RAPGEFL1: variants seen among roughly 807,000 people sequenced by gnomAD.
The protein encoded by RAPGEFL1 is rap guanine nucleotide exchange factor-like 1.
In RAPGEFL1, 31 loss-of-function variants were observed where a neutral mutation model predicts 64.4. The ratio of observed to expected loss-of-function variants is 0.48; its 90% confidence interval spans 0.36 to 0.65. The LOEUF (loss-of-function observed/expected upper bound fraction) is 0.65. Ranked by LOEUF, RAPGEFL1 falls within the 30% of genes least tolerant of loss-of-function variation. The pLI, the probability that RAPGEFL1 is intolerant of heterozygous loss-of-function variation, is 0.00. For synonymous variants in RAPGEFL1, 331 were observed against 274.1 expected (o/e 1.21, Z -2.05); for missense variants, 682 against 677.4 (o/e 1.01, Z -0.08).
Position 40,192,190 on chromosome 17 carries a change from TCTC to T in RAPGEFL1, c.1606-20_1606-18del. 1 of 1,610,076 alleles carries T rather than the reference TCTC, an allele frequency of 6.2e-7. No homozygotes were observed. Among genetic ancestry groups the T allele is most frequent in the Non-Finnish European group, 8.5e-7 (1 of 1,176,366 alleles). On this transcript the variant is annotated intron_variant, in intron 10 of 14. Coordinates refer to ENST00000620260, the MANE Select transcript of RAPGEFL1 (RefSeq NM_016339.6). ...CAAGGAGCTCCACTCTGATATCCCT[TCTC>T]CTTCCTTCAAACTCTGCAGAAGCTG... is the stretch of plus-strand genomic sequence containing the variant.
At position 40,194,222 on chromosome 17, in the gene RAPGEFL1, A is replaced by G. The variant is rs1266962296; in HGVS notation, c.*434A>G. ...GGTCAGGGCTGGGACCCCCAGGAAT[A>G]TTATGTTGCCGTGTGTGTGTGTGTG... On this transcript the variant is annotated 3_prime_UTR_variant, in exon 15 of 15. Coordinates refer to ENST00000620260, the MANE Select transcript of RAPGEFL1 (RefSeq NM_016339.6). 5.1e-6 allele frequency: 1 copy of G among 196,064 alleles called. No individual in the cohort carries two copies. Among genetic ancestry groups the G allele is most frequent in the African/African-American group, 2.5e-5 (1 of 39,628 alleles). 12.1% of individuals were successfully genotyped at this position (196,064 alleles called of 1,614,324 possible). A position where few individuals can be genotyped will look rare whatever the true frequency, so the allele number is the denominator to read the frequency against.
rs1436133331 is a variant in RAPGEFL1 at position 40,177,512 on chromosome 17, C to T, written c.-350C>T. The T allele has an allele frequency of 8.3e-6, 5 of 599,592 alleles. No homozygotes were observed. The Admixed American group carries it at 1.1e-4, about 14-fold the overall frequency. The allele number at this position is 599,592 out of a possible 1,614,324, so 37.1% of individuals were successfully genotyped here. On this transcript the variant is annotated 5_prime_UTR_variant, in exon 1 of 15. Coordinates refer to ENST00000620260, the MANE Select transcript of RAPGEFL1 (RefSeq NM_016339.6). ...GCCAGGAGCGCAGCCGCCGCCGCCG[C>T]CGCCGCCGCGTCCTCTCAGCCTTGC...
chr17:40,179,345 C>T (rs944606343), intron 1 of RAPGEFL1, among the ~76,000 whole-genome samples: 3 of 152,114 alleles, frequency 2.0e-5, no homozygotes, highest in Non-Finnish European at 1.5e-5. Flanking sequence ...GGATTACAGG[C>T]GTGAGCCACT....
upstream of RAPGEFL1, chr17:40,177,190 G>A (rs770864670): frequency 4.3e-6 from 3 of 702,632 alleles, no homozygotes; most frequent in Admixed American, 6.0e-5. Flanking sequence ...TACACAGGTA[G>A]GTGAGTGAAG....
At chr17:40,179,726 T>C (rs932626065) in intron 1 of RAPGEFL1, among the ~76,000 whole-genome samples, 2 of 152,146 alleles carry the variant, frequency 1.3e-5, no homozygotes, top group African/African-American at 4.8e-5. Context: ...GTCTGAGGTT[T>C]GGGAGCCCCG....
intron 4 of RAPGEFL1, chr17:40,188,509 G>T (rs1990153734): frequency 3.3e-6 from 1 of 300,604 alleles, no homozygotes; most frequent in African/African-American, 2.2e-5. Context: ...TGGATGAAAA[G>T]ATACTCAGTA....
chr17:40,185,572 T>C (rs1473073941), intron 4 of RAPGEFL1, among the ~76,000 whole-genome samples: 1 of 138,988 alleles, frequency 7.2e-6, no homozygotes, highest in Non-Finnish European at 1.5e-5. Flanking sequence ...GATCATGAGG[T>C]CAGGAGTTTG....
chr17:40,185,663 A>G (rs1990042948), intron 4 of RAPGEFL1, among the ~76,000 whole-genome samples: 1 of 151,614 alleles, frequency 6.6e-6, no homozygotes, highest in Non-Finnish European at 1.5e-5. Flanking sequence ...GCGCTCCTGT[A>G]GTCCCAGCTA....
chr17:40,181,830 C>T, intron 2 of RAPGEFL1, 136 bp downstream of exon 2: 1 of 595,396 alleles, frequency 1.7e-6, no homozygotes, highest in Non-Finnish European at 3.1e-6. Flanking sequence ...ACCTGTAATC[C>T]CAGCACTTTG....
chr17:40,184,276 C>T lies in RAPGEFL1; in HGVS notation c.662C>T (p.Ala221Val). ...CTGGGCCGGAAGCAAGCCTGTCTAGCCATGCTTCTCCATTTCTTGGACACC... is the reference window on the plus strand; with the variant it reads ...CTGGGCCGGAAGCAAGCCTGTCTAGTCATGCTTCTCCATTTCTTGGACACC... Reference protein sequence around the residue: ...EGLGRKQACLAMLLHFLDTYQ... With the variant: ...EGLGRKQACLVMLLHFLDTYQ... Residue 221 changes from alanine (A) to valine (V), a missense_variant, in exon 3 of 15, where the codon GCC becomes GTC. Physicochemically the swap from Ala to Val is moderately conservative, Grantham distance 64. This residue lies in a region of RAPGEFL1 where 271 missense variants were observed against 158.0 expected (regional missense o/e 1.72). Coordinates refer to ENST00000620260, the MANE Select transcript of RAPGEFL1 (RefSeq NM_016339.6). The T allele has an allele frequency of 6.2e-7, 1 of 1,613,866 alleles. No homozygotes were observed. Among genetic ancestry groups the T allele is most frequent in the Non-Finnish European group, 8.5e-7 (1 of 1,179,936 alleles).
chr17:40,191,574 C>T lies in RAPGEFL1; in HGVS notation c.1515-8C>T, dbSNP rs1174136889. 5.6e-6 allele frequency: 9 copies of T among 1,602,450 alleles called. No individual in the cohort carries two copies. The highest frequency in any genetic ancestry group is 7.7e-6 in the Non-Finnish European group (9 of 1,175,796). On this transcript the variant is annotated splice_region_variant and splice_polypyrimidine_tract_variant and intron_variant, in intron 9 of 14. Coordinates refer to ENST00000620260, the MANE Select transcript of RAPGEFL1 (RefSeq NM_016339.6). The surrounding 1 kb of genome is among the most constrained non-coding windows in gnomAD (Gnocchi z 5.1). Reference sequence around the variant, plus strand: ...GCCCGCCCCTGACCCCGCCTCCCACCCCCGCAGCTGCAAGCAGAACCAGGA... The same window carrying T: ...GCCCGCCCCTGACCCCGCCTCCCACTCCCGCAGCTGCAAGCAGAACCAGGA...
intron 4 of RAPGEFL1, among the ~76,000 whole-genome samples, chr17:40,187,534 A>G (rs1249852552): frequency 6.6e-6 from 1 of 151,538 alleles, no homozygotes; most frequent in Non-Finnish European, 1.5e-5. Flanking sequence ...CCCTCCATCC[A>G]TGACACCTCA....
At chr17:40,181,519 G>T in intron 1 of RAPGEFL1, 97 bp from the exon 2 acceptor site, 1 of 686,616 alleles carries the variant, frequency 1.5e-6, no homozygotes, top group Non-Finnish European at 2.7e-6. Flanking sequence ...TGGCTAAAGA[G>T]AACTTGCCCT....
rs1990413217 is a variant in RAPGEFL1, at chr17:40,194,990, T to C, written c.*1202T>C. ...CTCAAGGCCTGAGGGGTGCAGGGGC[T>C]CCTGGCAGCTACTGGGTGAGGTTTC... On this transcript the variant is annotated 3_prime_UTR_variant, in exon 15 of 15. Coordinates refer to ENST00000620260, the MANE Select transcript of RAPGEFL1 (RefSeq NM_016339.6). The C allele has an allele frequency of 6.6e-6, 1 of 152,662 alleles. No homozygotes were observed. 9.5% of individuals were successfully genotyped at this position (152,662 alleles called of 1,614,324 possible).
At position 40,184,281 on chromosome 17, in the gene RAPGEFL1, C is replaced by T. The variant is rs981641489; in HGVS notation, c.667C>T (p.Leu223Phe). 3 of 1,613,918 alleles carry T rather than the reference C, an allele frequency of 1.9e-6. No individual in the cohort carries two copies. Among genetic ancestry groups the T allele is most frequent in the Non-Finnish European group, 2.5e-6 (3 of 1,179,956 alleles). The change falls in exon 3 of 15, where the codon CTT becomes TTT. Residue 223 changes from leucine to phenylalanine, a missense_variant. Transcript: ENST00000620260. ...CCGGAAGCAAGCCTGTCTAGCCATG[C>T]TTCTCCATTTCTTGGACACCTACCA... Reference protein sequence around the residue: ...LGRKQACLAMLLHFLDTYQGL... With the variant: ...LGRKQACLAMFLHFLDTYQGL...
chr17:40,187,127 C>CAT (rs1208230927), intron 4 of RAPGEFL1, among the ~76,000 whole-genome samples: 5 of 152,082 alleles, frequency 3.3e-5, no homozygotes, highest in Non-Finnish European at 7.4e-5. Flanking sequence ...GTTTATAAAA[C>CAT]ATATATATTT....
At chr17:40,188,735 C>A (rs1990160315) in intron 4 of RAPGEFL1, 131 bp from the exon 5 acceptor site, 2 of 709,728 alleles carry the variant, frequency 2.8e-6, no homozygotes, top group East Asian at 5.3e-5. Flanking sequence ...TTCTGACCCC[C>A]TTAACCACCT....
chr17:40,185,028 A>G (rs1474245504), intron 4 of RAPGEFL1, among the ~76,000 whole-genome samples: 1 of 151,970 alleles, frequency 6.6e-6, no homozygotes, highest in Admixed American at 6.6e-5. Flanking sequence ...TGCCTGCCTC[A>G]GCCTCCCAAA....
rs559645839 is a variant in RAPGEFL1, at chr17:40,192,786, C to A, written c.1744+93C>A. ...ACTTCCAGCTCCCTCTCGACTCAGCCCTGAGTACCCACCTGGAGAGGAGCC... is the reference window on the plus strand; with the variant it reads ...ACTTCCAGCTCCCTCTCGACTCAGCACTGAGTACCCACCTGGAGAGGAGCC... On this transcript the variant is annotated intron_variant, in intron 12 of 14. Coordinates refer to ENST00000620260, the MANE Select transcript of RAPGEFL1 (RefSeq NM_016339.6). The A allele has an allele frequency of 1.4e-4, 188 of 1,388,114 alleles. 1 individual carries two copies. In the South Asian group the frequency reaches 2.1e-3, roughly 16 times the overall value. 86.0% of individuals were successfully genotyped at this position (1,388,114 alleles called of 1,614,324 possible). A position where few individuals can be genotyped will look rare whatever the true frequency, so the allele number is the denominator to read the frequency against.
Sources: allele counts gnomAD v4.1 joint callset (sites outside exome capture counted in the v4.1 genomes callset), GRCh38; gene constraint gnomAD v4.1.1; regional missense constraint gnomAD v4.1.1; non-coding constraint Gnocchi (gnomAD v3.1); transcripts MANE v1.5; gene names NCBI Gene and HGNC (gene_info 2026-07-23, HGNC 2026-07-21).